Variants in PACS2 observed in about 807,000 individuals in gnomAD.
PACS2 encodes phosphofurin acidic cluster sorting protein 2, also known as PACS1-like protein.
A neutral mutation model predicts 113.0 loss-of-function variants in PACS2; 36 were observed. The observed-to-expected ratio is 0.32, with a 90% CI of 0.24 to 0.42. The LOEUF is 0.42. PACS2 is among the 10% of genes least tolerant of loss of function. PACS2 has a pLI of 1.00. For synonymous variants in PACS2, 589 were observed against 536.1 expected (o/e 1.10, Z -1.36); for missense variants, 1,015 against 1,239.5 (o/e 0.82, Z 2.72).
At chr14:105,305,526 C>T (rs941654738) in intron 1 of PACS2, among the ~76,000 whole-genome samples, 34 of 152,206 alleles carry the variant, frequency 2.2e-4, no homozygotes, top group Admixed American at 2.6e-4. Context: ...TCACCAGACA[C>T]GGCATCTGCC....
intron 1 of PACS2, among the ~76,000 whole-genome samples, chr14:105,302,204 CT>C (rs1274491955): frequency 1.2e-3 from 164 of 132,754 alleles, no homozygotes; most frequent in East Asian, 4.8e-3. Context: ...TTTTTTCTTT[CT>C]TTTTTTTTTT....
rs1374693365 is a variant in PACS2 at position 105,380,149 on chromosome 14, G to T, written c.1120G>T (p.Ala374Ser). The change falls in exon 11 of 25, where the codon GCC becomes TCC. Residue 374 changes from alanine to serine, a missense_variant. Transcript: ENST00000447393. ...GAGCGACAGTGTCTCTGACACGGTG[G>T]CCCTCGTAAGCAGGCTTGGGCCGCA... ...QPSDSVSDTV[A>S]LGVPGPREHP... The T allele has an allele frequency of 2.9e-5, 45 of 1,551,334 alleles. No individual in the cohort carries two copies. The highest frequency in any genetic ancestry group is 4.1e-5 in the African/African-American group (3 of 73,094).
chr14:105,364,574 TCTC>T (rs1212328608), intron 4 of PACS2, among the ~76,000 whole-genome samples: 4 of 150,594 alleles, frequency 2.7e-5, no homozygotes, highest in Admixed American at 1.3e-4. Flanking sequence ...GAGGACGAGG[TCTC>T]CTCACCATGC....
At chr14:105,319,309 C>T (rs1481597058) in intron 1 of PACS2, among the ~76,000 whole-genome samples, 3 of 152,236 alleles carry the variant, frequency 2.0e-5, no homozygotes, top group African/African-American at 7.2e-5. Flanking sequence ...TTCTTTAACT[C>T]TGTAGAGCAG....
In PACS2 at chr14:105,329,810, G is replaced by C. The variant is rs1337878405; in HGVS notation, c.119+14773G>C. On this transcript the variant is annotated intron_variant, in intron 1 of 24. Coordinates refer to ENST00000447393, the MANE Select transcript of PACS2 (RefSeq NM_001100913.3). This position sits in a 1 kb window ranked among gnomAD's most constrained non-coding sequence, Gnocchi z 6.4. ...GCTTCTCATGGACAGGAGACCACCAGGCTCCTTCCAGGAGGGTGAGGTCTC... is the reference window on the plus strand; with the variant it reads ...GCTTCTCATGGACAGGAGACCACCACGCTCCTTCCAGGAGGGTGAGGTCTC... Among the ~76,000 whole-genome samples, 1 of 152,218 alleles carries C rather than the reference G, an allele frequency of 6.6e-6. No homozygotes were observed. The highest frequency in any genetic ancestry group is 2.4e-5 in the African/African-American group (1 of 41,458).
Position 105,355,428 on chromosome 14 carries a change from A to G in PACS2, c.423+251A>G, listed in dbSNP as rs1368931181. ...CCTGCAGCCGCGCGCACTCCCCTCT[A>G]ACGAGCCTGTCCTGCCCTTCAGTGG... is the stretch of plus-strand genomic sequence containing the variant. On this transcript the variant is annotated intron_variant, in intron 4 of 24. Transcript: ENST00000447393. This position sits in a 1 kb window ranked among gnomAD's most constrained non-coding sequence, Gnocchi z 4.1. Among the ~76,000 whole-genome samples the G allele has an allele frequency of 6.6e-6, 1 of 152,140 alleles. No homozygotes were observed. The highest frequency in any genetic ancestry group is 1.5e-5 in the Non-Finnish European group (1 of 68,018).
At chr14:105,353,097 C>T (rs1409705238) in intron 3 of PACS2, among the ~76,000 whole-genome samples, 4 of 125,100 alleles carry the variant, frequency 3.2e-5, no homozygotes, top group African/African-American at 1.2e-4. Flanking sequence ...CAGGCCCCCC[C>T]CATCACTGTC....
chr14:105,314,867 C>T lies in PACS2; in HGVS notation c.-52C>T, dbSNP rs1173566599. 26 of 865,588 alleles carry T rather than the reference C, an allele frequency of 3.0e-5. No homozygotes were observed. The highest frequency in any genetic ancestry group is 3.2e-5 in the Non-Finnish European group (23 of 726,106). The allele number at this position is 865,588 out of a possible 1,614,324, so 53.6% of individuals were successfully genotyped here. On this transcript the variant is annotated 5_prime_UTR_variant, in exon 1 of 25. Transcript: ENST00000447393. ...CGCGCCCGGCCCGCCCGCCGCGCGTCCGCGGCCCGGCCGCAGCCCCAGGCC... is the reference window on the plus strand; with the variant it reads ...CGCGCCCGGCCCGCCCGCCGCGCGTTCGCGGCCCGGCCGCAGCCCCAGGCC...
At chr14:105,339,878 A>G (rs1555401271) in intron 1 of PACS2, among the ~76,000 whole-genome samples, 1 of 152,164 alleles carries the variant, frequency 6.6e-6, no homozygotes, top group Non-Finnish European at 1.5e-5. Flanking sequence ...TCCTGACCTC[A>G]GGTGATCAGC....
chr14:105,363,950 G>T (rs2060826208), intron 4 of PACS2, among the ~76,000 whole-genome samples: 1 of 152,082 alleles, frequency 6.6e-6, no homozygotes, highest in Non-Finnish European at 1.5e-5. Flanking sequence ...CATGGGAATG[G>T]CCGGTGGGCT....
rs1344196146 is a variant in PACS2 at position 105,357,169 on chromosome 14, T to C, written c.423+1992T>C. On this transcript the variant is annotated intron_variant, in intron 4 of 24. Transcript: ENST00000447393. This position sits in a 1 kb window ranked among gnomAD's most constrained non-coding sequence, Gnocchi z 5.1. Reference sequence around the variant, plus strand: ...GCTTCTGTGTTTGACGTCCTTGCCCTGAATGCTGGCCTCTGCTCCCAGGCC... The same window carrying C: ...GCTTCTGTGTTTGACGTCCTTGCCCCGAATGCTGGCCTCTGCTCCCAGGCC... Among the ~76,000 whole-genome samples, 3 of 152,132 alleles carry C rather than the reference T, an allele frequency of 2.0e-5. No individual in the cohort carries two copies. The highest frequency in any genetic ancestry group is 4.4e-5 in the Non-Finnish European group (3 of 68,008).
intron 1 of PACS2, among the ~76,000 whole-genome samples, chr14:105,342,659 C>T (rs1179874169): frequency 3.3e-5 from 5 of 151,856 alleles, no homozygotes; most frequent in African/African-American, 4.8e-5. Context: ...GTAGGCCAGG[C>T]GCAGTGGCTC....
rs587756235 is a variant in PACS2 at position 105,329,451 on chromosome 14, C to A, written c.119+14414C>A. 6.6e-6 allele frequency among the ~76,000 whole-genome samples: 1 copy of A among 152,318 alleles called. No individual in the cohort carries two copies. Among genetic ancestry groups the A allele is most frequent in the Admixed American group, 6.5e-5 (1 of 15,304 alleles). On this transcript the variant is annotated intron_variant, in intron 1 of 24. Transcript: ENST00000447393. The surrounding 1 kb of genome is among the most constrained non-coding windows in gnomAD (Gnocchi z 6.4). ...CTGCCCCACCAGAACCATCCTGAGT[C>A]CAAACTGGCTGAGAGTCAAGGGGGT...
At chr14:105,378,065 G>A (rs2080849125) in intron 9 of PACS2, among the ~76,000 whole-genome samples, 1 of 152,186 alleles carries the variant, frequency 6.6e-6, no homozygotes, top group Admixed American at 6.5e-5. Context: ...TCCACCTTCG[G>A]AACCAGCAAG....
Position 105,315,004 on chromosome 14 carries a change from A to G in PACS2, c.86A>G (p.Glu29Gly). Reference protein sequence around the residue: ...PVPMNLFATWEVDGSSPSCVP... With the variant: ...PVPMNLFATWGVDGSSPSCVP... ...CCCATGAACCTGTTCGCCACCTGGG[A>G]GGTGGACGGCTCCAGCCCCAGCTGC... is the stretch of plus-strand genomic sequence containing the variant. Residue 29 changes from glutamate (E) to glycine (G), a missense_variant, in exon 1 of 25, where the codon GAG (glutamate) becomes GGG (glycine). Coordinates refer to ENST00000447393, the MANE Select transcript of PACS2 (RefSeq NM_001100913.3). This position sits in a 1 kb window ranked among gnomAD's most constrained non-coding sequence, Gnocchi z 4.4. 1 of 1,252,450 alleles carries G rather than the reference A, an allele frequency of 8.0e-7. No individual in the cohort carries two copies. Among genetic ancestry groups the G allele is most frequent in the Non-Finnish European group, 1.0e-6 (1 of 978,458 alleles). The allele number at this position is 1,252,450 out of a possible 1,614,324, so 77.6% of individuals were successfully genotyped here. A position where few individuals can be genotyped will look rare whatever the true frequency, so the allele number is the denominator to read the frequency against.
chr14:105,393,565 TC>T (rs2081436150), intron 24 of PACS2: 2 of 472,660 alleles, frequency 4.2e-6, no homozygotes, highest in Non-Finnish European at 7.4e-6. Context: ...ATGACTTGTT[TC>T]GTTTTTCTTG....
At chr14:105,307,083 C>T (rs2058211445) in intron 1 of PACS2, among the ~76,000 whole-genome samples, 2 of 151,268 alleles carry the variant, frequency 1.3e-5, no homozygotes, top group Non-Finnish European at 2.9e-5. Flanking sequence ...CTCACTCTGT[C>T]ACCCAGGCTG....
intron 7 of PACS2, among the ~76,000 whole-genome samples, chr14:105,368,757 T>C (rs2061042421): frequency 6.6e-6 from 1 of 152,196 alleles, no homozygotes; most frequent in Non-Finnish European, 1.5e-5. Flanking sequence ...GTGTGGCCGC[T>C]AGGCTCAGTG....
intron 8 of PACS2, 91 bp downstream of exon 8, chr14:105,369,991 T>C (rs1296696490): frequency 1.8e-6 from 2 of 1,129,008 alleles, no homozygotes; most frequent in Non-Finnish European, 1.3e-6. Flanking sequence ...CCGGGCCACC[T>C]CTGGTTCTGC....
Sources: allele counts gnomAD v4.1 joint callset (sites outside exome capture counted in the v4.1 genomes callset), GRCh38; gene constraint gnomAD v4.1.1; non-coding constraint Gnocchi (gnomAD v3.1); transcripts MANE v1.5; gene names NCBI Gene and HGNC (gene_info 2026-07-23, HGNC 2026-07-21).